The following PARN variants were observed in gnomAD, a reference collection of about 807,000 sequenced individuals.
PARN encodes poly(A)-specific ribonuclease PARN.
PARN carries 71 observed loss-of-function variants against 102.8 expected under a neutral mutation model. That is an observed-to-expected ratio of 0.69 (90% confidence interval 0.57 to 0.84). PARN has a LOEUF of 0.84. PARN is among the 40% of genes least tolerant of loss of function. PARN has a pLI of 0.00. For missense variants in PARN, 782 were observed against 760.9 expected (o/e 1.03, Z -0.33); for synonymous variants, 261 against 252.9 (o/e 1.03, Z -0.30).
chr16:14,587,065 T>C (rs1047074027), intron 13 of PARN, among the ~76,000 whole-genome samples: 7 of 152,230 alleles, frequency 4.6e-5, no homozygotes, highest in Non-Finnish European at 8.8e-5. Context: ...TGAGTAGTCA[T>C]ACTCCTGACT....
chr16:14,521,703 G>C (rs1769925290), intron 21 of PARN, among the ~76,000 whole-genome samples: 1 of 151,960 alleles, frequency 6.6e-6, no homozygotes, highest in Admixed American at 6.6e-5. Flanking sequence ...GAGGGAGGCT[G>C]AGGCAGGAGA....
intron 19 of PARN, 98 bp from the exon 20 acceptor site, chr16:14,554,249 C>T: frequency 1.3e-6 from 1 of 770,696 alleles, no homozygotes; most frequent in Non-Finnish European, 2.1e-6. Context: ...ATTTGGAGAA[C>T]TGTTATGAAT....
chr16:14,451,970 T>TGA (rs1202825248), intron 22 of PARN, among the ~76,000 whole-genome samples: 3 of 148,792 alleles, frequency 2.0e-5, no homozygotes, highest in Non-Finnish European at 4.5e-5. Flanking sequence ...GAGGATTGCT[T>TGA]GAGTCTGGGA....
At chr16:14,576,541 A>G (rs1969152782) in intron 18 of PARN, among the ~76,000 whole-genome samples, 1 of 152,240 alleles carries the variant, frequency 6.6e-6, no homozygotes, top group Non-Finnish European at 1.5e-5. Context: ...TAAAAAGCAA[A>G]AGCAGAGAGC....
intron 17 of PARN, among the ~76,000 whole-genome samples, chr16:14,581,856 T>C (rs1004503142): frequency 2.0e-5 from 3 of 152,158 alleles, no homozygotes; most frequent in Admixed American, 6.5e-5. Flanking sequence ...TAAGCTATGA[T>C]TGAACCACTG....
At chr16:14,593,864 G>A (rs1386987275) in intron 12 of PARN, among the ~76,000 whole-genome samples, 1 of 151,932 alleles carries the variant, frequency 6.6e-6, no homozygotes, top group African/African-American at 2.4e-5. Context: ...AGGTGCGGTG[G>A]TGCATGCCTA....
chr16:14,593,162 A>G (rs1321574531), intron 13 of PARN, 139 bp downstream of exon 13: 4 of 571,486 alleles, frequency 7.0e-6, no homozygotes, highest in Non-Finnish European at 1.2e-5. Flanking sequence ...CTGAGTGCAT[A>G]AGATTCTCTC....
chr16:14,629,447 T>C, intron 2 of PARN, 150 bp downstream of exon 2: 1 of 630,402 alleles, frequency 1.6e-6, no homozygotes, highest in East Asian at 2.7e-5. Context: ...TTGAAACGTT[T>C]AAAGGGTAAC....
At chr16:14,472,290 A>G (rs1962793719) in intron 22 of PARN, among the ~76,000 whole-genome samples, 1 of 152,234 alleles carries the variant, frequency 6.6e-6, no homozygotes. Context: ...CATTAACGAG[A>G]CTCTAGTTTT....
intron 18 of PARN, among the ~76,000 whole-genome samples, chr16:14,580,216 T>G (rs1378515893): frequency 6.6e-6 from 1 of 152,102 alleles, no homozygotes; most frequent in Non-Finnish European, 1.5e-5. Flanking sequence ...ATGATCCGCC[T>G]GCCTCAGTCT....
At chr16:14,533,191 G>A (rs1966445480) in intron 21 of PARN, among the ~76,000 whole-genome samples, 1 of 152,132 alleles carries the variant, frequency 6.6e-6, no homozygotes, top group Non-Finnish European at 1.5e-5. Context: ...ATCACTCGCG[G>A]TTAGGAGCTG....
chr16:14,547,105 AAG>A (rs1966999366), intron 21 of PARN, among the ~76,000 whole-genome samples: 1 of 151,186 alleles, frequency 6.6e-6, no homozygotes, highest in Non-Finnish European at 1.5e-5. Flanking sequence ...AAAAAAAAAA[AAG>A]AAAAAAAAAG....
At chr16:14,538,909 CAT>C (rs1880127827) in intron 21 of PARN, among the ~76,000 whole-genome samples, 1 of 152,178 alleles carries the variant, frequency 6.6e-6, no homozygotes, top group African/African-American at 2.4e-5. Context: ...GTAAATTGCA[CAT>C]ATGAGGAATC....
intron 18 of PARN, among the ~76,000 whole-genome samples, chr16:14,566,326 AGAG>A (rs767503615): frequency 2.0e-5 from 3 of 152,182 alleles, no homozygotes; most frequent in Non-Finnish European, 4.4e-5. Flanking sequence ...ACACACACAC[AGAG>A]GAGGAGGAGG....
intron 21 of PARN, among the ~76,000 whole-genome samples, chr16:14,520,184 C>A (rs750519082): frequency 8.5e-5 from 13 of 152,136 alleles, no homozygotes; most frequent in Non-Finnish European, 1.8e-4. Flanking sequence ...GGACGAATAA[C>A]CTTGCTTCTT....
intron 21 of PARN, among the ~76,000 whole-genome samples, chr16:14,495,976 A>G (rs1336494130): frequency 6.6e-6 from 1 of 152,154 alleles, no homozygotes; most frequent in African/African-American, 2.4e-5. Context: ...AGACAGGAAG[A>G]GCAGAAGAGG....
chr16:14,556,953 T>C (rs958934126), intron 18 of PARN, among the ~76,000 whole-genome samples: 1 of 152,152 alleles, frequency 6.6e-6, no homozygotes, highest in Non-Finnish European at 1.5e-5. Context: ...ATCACACTAA[T>C]ATAAATCATA....
At chr16:14,506,425 A>G (rs1048697722) in intron 21 of PARN, among the ~76,000 whole-genome samples, 24 of 152,332 alleles carry the variant, frequency 1.6e-4, no homozygotes, top group East Asian at 1.9e-4. Flanking sequence ...TATCAAAATC[A>G]TATCAGTGTT....
rs566889168 is a variant in PARN at position 14,620,154 on chromosome 16, G to T, written c.328-2504C>A. Among the ~76,000 whole-genome samples, 3 of 150,692 alleles carry T rather than the reference G, an allele frequency of 2.0e-5. No homozygotes were observed. In the South Asian group the frequency reaches 6.3e-4, roughly 32 times the overall value. ...GCACTTTGGGAGGCCCAGGCGGGCA[G>T]ATTACAAGGTCAGGAGATCGAGACC... On this transcript the variant is annotated intron_variant, in intron 5 of 23. Transcript: ENST00000437198.
Sources: allele counts gnomAD v4.1 joint callset (sites outside exome capture counted in the v4.1 genomes callset), GRCh38; gene constraint gnomAD v4.1.1; transcripts MANE v1.5; gene names NCBI Gene and HGNC (gene_info 2026-07-23, HGNC 2026-07-21).